Variants in VWC2L observed in about 807,000 individuals in gnomAD.
VWC2L encodes the protein von Willebrand factor C domain containing 2 like, also known as von Willebrand factor C domain-containing protein 2-like.
Under a neutral mutation model 21.6 loss-of-function variants are expected in VWC2L, and 10 were observed. The ratio of observed to expected loss-of-function variants is 0.46; its 90% confidence interval spans 0.29 to 0.78. The LOEUF is 0.78. VWC2L is among the 30% of genes least tolerant of loss of function. VWC2L has a pLI of 0.10. For missense variants in VWC2L, 209 were observed against 277.1 expected, an observed-to-expected ratio of 0.75 and a Z score of 1.74; for synonymous variants, 96 against 94.3, an observed-to-expected ratio of 1.02 and a Z score of -0.10.
intron 3 of VWC2L, among the ~76,000 whole-genome samples, chr2:214,558,150 T>A (rs1368252729): frequency 3.9e-5 from 6 of 152,218 alleles, no homozygotes; most frequent in African/African-American, 1.4e-4. Context: ...TTTACTTTCC[T>A]TTGCTTCTCT....
At chr2:214,527,816 A>G (rs1278857688) in intron 3 of VWC2L, among the ~76,000 whole-genome samples, 2 of 152,088 alleles carry the variant, frequency 1.3e-5, no homozygotes, top group East Asian at 3.9e-4. Flanking sequence ...ATTAACACCA[A>G]ATTGTTCTCC....
chr2:214,487,408 G>C (rs1042747772), intron 3 of VWC2L, among the ~76,000 whole-genome samples: 1 of 152,158 alleles, frequency 6.6e-6, no homozygotes, highest in African/African-American at 2.4e-5. Flanking sequence ...CAAGACATAG[G>C]TGCTGCTTTT....
intron 3 of VWC2L, among the ~76,000 whole-genome samples, chr2:214,492,720 C>A (rs1688761454): frequency 6.6e-6 from 1 of 152,180 alleles, no homozygotes; most frequent in African/African-American, 2.4e-5. Context: ...TTTAAACAAT[C>A]ATTTTTTTTC....
intron 3 of VWC2L, among the ~76,000 whole-genome samples, chr2:214,574,897 A>T (rs1299946236): frequency 6.6e-6 from 1 of 152,116 alleles, no homozygotes; most frequent in Non-Finnish European, 1.5e-5. Context: ...AAAAATTTTT[A>T]AAAACCTGAA....
chr2:214,538,194 T>C (rs1447626174), intron 3 of VWC2L, among the ~76,000 whole-genome samples: 1 of 152,056 alleles, frequency 6.6e-6, no homozygotes, highest in African/African-American at 2.4e-5. Flanking sequence ...GCACTATTCA[T>C]TGACAACCGC....
chr2:214,527,756 T>A (rs1040095919), intron 3 of VWC2L, among the ~76,000 whole-genome samples: 5 of 152,188 alleles, frequency 3.3e-5, no homozygotes, highest in African/African-American at 4.8e-5. Flanking sequence ...TAAACCAATT[T>A]TATTGCCTCA....
At chr2:214,572,655 AGAAT>A (rs1690166907) in intron 3 of VWC2L, among the ~76,000 whole-genome samples, 1 of 152,210 alleles carries the variant, frequency 6.6e-6, no homozygotes, top group Non-Finnish European at 1.5e-5. Flanking sequence ...GGCTAAAACC[AGAAT>A]CATTTTAAAT....
At chr2:214,524,660 A>G (rs953053867) in intron 3 of VWC2L, among the ~76,000 whole-genome samples, 1 of 152,156 alleles carries the variant, frequency 6.6e-6, no homozygotes, top group Admixed American at 6.5e-5. Context: ...CCCTGCCTGA[A>G]CCTAATTACA....
intron 3 of VWC2L, among the ~76,000 whole-genome samples, chr2:214,465,268 G>A (rs1332238320): frequency 6.6e-6 from 1 of 152,106 alleles, no homozygotes; most frequent in Admixed American, 6.5e-5. Flanking sequence ...ATGGTGCTAG[G>A]TCTGACCTAA....
At chr2:214,551,608 T>A (rs1036682977) in intron 3 of VWC2L, among the ~76,000 whole-genome samples, 7 of 152,238 alleles carry the variant, frequency 4.6e-5, no homozygotes, top group African/African-American at 1.7e-4. Flanking sequence ...TTCATTCCAA[T>A]CTATCAGCTC....
rs535237537 is a variant in VWC2L, at chr2:214,578,091, T to G, written c.*2271T>G. 4 of 152,252 alleles carry G rather than the reference T, an allele frequency of 2.6e-5. No individual in the cohort carries two copies. The East Asian group carries it at 7.7e-4, about 29-fold the overall frequency. The allele number at this position is 152,252 out of a possible 1,614,324, so 9.4% of individuals were successfully genotyped here. Reference sequence around the variant, plus strand: ...TTATAGAGCTTTCTTTGCCCCGAGGTTGCCTGTTGCCAACTTCAAAAATCC... The same window carrying G: ...TTATAGAGCTTTCTTTGCCCCGAGGGTGCCTGTTGCCAACTTCAAAAATCC... On this transcript the variant is annotated 3_prime_UTR_variant, in exon 4 of 4. Transcript: ENST00000312504.
intron 2 of VWC2L, among the ~76,000 whole-genome samples, chr2:214,418,659 T>C (rs1258312642): frequency 2.0e-5 from 3 of 152,194 alleles, no homozygotes; most frequent in Admixed American, 6.5e-5. Context: ...ATTTAATACC[T>C]TTTTTGATGA....
At position 214,496,146 on chromosome 2, in the gene VWC2L, A is replaced by G. The variant is rs150637237; in HGVS notation, c.520+59388A>G. 1.7e-4 allele frequency among the ~76,000 whole-genome samples: 26 copies of G among 150,850 alleles called. No individual in the cohort carries two copies. In the East Asian group the frequency reaches 4.9e-3, roughly 28 times the overall value. On this transcript the variant is annotated intron_variant, in intron 3 of 3. Transcript: ENST00000312504. ...ATCCTATGCTACAAACCTGTATAGT[A>G]TAATACTATAGTGAATACTGTAGGC...
intron 3 of VWC2L, among the ~76,000 whole-genome samples, chr2:214,549,472 C>A (rs1347942164): frequency 1.3e-5 from 2 of 152,198 alleles, no homozygotes; most frequent in African/African-American, 2.4e-5. Context: ...TGCAAACAGA[C>A]CATATTAAAA....
At chr2:214,448,296 G>T (rs1702869772) in intron 3 of VWC2L, among the ~76,000 whole-genome samples, 1 of 152,124 alleles carries the variant, frequency 6.6e-6, no homozygotes, top group Admixed American at 6.5e-5. Flanking sequence ...CACCCATATT[G>T]TATCTTCAAT....
At chr2:214,510,783 C>T (rs1181190029) in intron 3 of VWC2L, among the ~76,000 whole-genome samples, 1 of 152,084 alleles carries the variant, frequency 6.6e-6, no homozygotes, top group Non-Finnish European at 1.5e-5. Flanking sequence ...ATGAATGAAT[C>T]CTAGATTTTG....
At chr2:214,503,879 A>T (rs1187781436) in intron 3 of VWC2L, among the ~76,000 whole-genome samples, 5 of 152,190 alleles carry the variant, frequency 3.3e-5, no homozygotes, top group Non-Finnish European at 1.5e-5. Flanking sequence ...GCTACCATTA[A>T]ACTGTTGGCT....
At chr2:214,571,790 T>TTC (rs369932471) in intron 3 of VWC2L, among the ~76,000 whole-genome samples, 5 of 151,436 alleles carry the variant, frequency 3.3e-5, no homozygotes, top group Admixed American at 1.3e-4. Flanking sequence ...TTCATATTCA[T>TTC]TCTCTCTCTC....
intron 3 of VWC2L, among the ~76,000 whole-genome samples, chr2:214,526,104 T>A (rs1268395606): frequency 6.6e-6 from 1 of 150,516 alleles, no homozygotes; most frequent in African/African-American, 2.4e-5. Flanking sequence ...TATATATTCA[T>A]CTATTATATA....
Sources: allele counts gnomAD v4.1 joint callset (sites outside exome capture counted in the v4.1 genomes callset), GRCh38; gene constraint gnomAD v4.1.1; transcripts MANE v1.5; gene names NCBI Gene and HGNC (gene_info 2026-07-23, HGNC 2026-07-21).